The following YAE1 variants were observed in gnomAD, a reference collection of about 807,000 sequenced individuals.
YAE1 encodes the protein protein YAE1 homolog.
A neutral mutation model predicts 23.0 loss-of-function variants in YAE1; 22 were observed. The observed-to-expected ratio is 0.96, with a 90% CI of 0.68 to 1.37. The LOEUF is 1.37. YAE1 is among the 40% of genes most tolerant of loss of function. The pLI is 0.00. For synonymous variants in YAE1, 101 were observed against 97.0 expected (o/e 1.04, Z -0.24); for missense variants, 260 against 262.1 (o/e 0.99, Z 0.06).
intron 2 of YAE1, among the ~76,000 whole-genome samples, chr7:39,608,849 G>T (rs1222871373): frequency 6.6e-6 from 1 of 152,078 alleles, no homozygotes; most frequent in Non-Finnish European, 1.5e-5. Context: ...TTACATAAAA[G>T]ACTTTGGGCT....
intron 2 of YAE1, among the ~76,000 whole-genome samples, chr7:39,591,182 T>C (rs1035038381): frequency 6.6e-6 from 1 of 152,160 alleles, no homozygotes; most frequent in Non-Finnish European, 1.5e-5. Flanking sequence ...TCAGACCGGA[T>C]TAAGGCCCAC....
At chr7:39,603,889 T>C (rs2115848175) in intron 2 of YAE1, among the ~76,000 whole-genome samples, 1 of 152,314 alleles carries the variant, frequency 6.6e-6, no homozygotes, top group East Asian at 1.9e-4. Context: ...CAAAGAAATA[T>C]CGAGAGGATA....
downstream of YAE1, among the ~76,000 whole-genome samples, chr7:39,573,617 T>G (rs1562589978): frequency 2.6e-5 from 4 of 152,268 alleles, no homozygotes; most frequent in South Asian, 8.3e-4. Flanking sequence ...CTGAAATAAT[T>G]GTCCCTCATT....
intron 2 of YAE1, among the ~76,000 whole-genome samples, chr7:39,585,498 G>A (rs1790801875): frequency 6.6e-6 from 1 of 152,142 alleles, no homozygotes; most frequent in Non-Finnish European, 1.5e-5. Flanking sequence ...AAACAAACCA[G>A]CTGACACCTT....
rs908985675 is a variant in YAE1, at chr7:39,583,268, T to C, written c.251+12641T>C. Among the ~76,000 whole-genome samples, 7 of 152,232 alleles carry C rather than the reference T, an allele frequency of 4.6e-5. No individual in the cohort carries two copies. The East Asian group carries it at 1.3e-3, about 29-fold the overall frequency. On this transcript the variant is annotated intron_variant, in intron 2 of 2. Transcript: ENST00000432096. The stretch of plus-strand genomic sequence containing the variant: ...GGACATATTATACAAAAATGTATAT[T>C]TTGCAGATAAAACTCTGGGAGTGCC...
intron 2 of YAE1, among the ~76,000 whole-genome samples, chr7:39,585,280 T>C (rs2115807849): frequency 6.6e-6 from 1 of 152,310 alleles, no homozygotes; most frequent in South Asian, 2.1e-4. Context: ...TCAAAATCCA[T>C]GTTGAAGCCC....
downstream of YAE1, among the ~76,000 whole-genome samples, chr7:39,577,734 C>T (rs1248000764): frequency 6.6e-6 from 1 of 152,240 alleles, no homozygotes; most frequent in Non-Finnish European, 1.5e-5. Context: ...GCACCACCCC[C>T]TGCTCTGCTG....
chr7:39,600,844 T>C (rs2115841781), intron 2 of YAE1, among the ~76,000 whole-genome samples: 1 of 152,310 alleles, frequency 6.6e-6, no homozygotes, highest in South Asian at 2.1e-4. Flanking sequence ...GGGAGAGGCA[T>C]GAAGCAAATT....
chr7:39,582,447 AT>A (rs1388414827), intron 2 of YAE1, among the ~76,000 whole-genome samples: 2 of 152,244 alleles, frequency 1.3e-5, no homozygotes, highest in Non-Finnish European at 2.9e-5. Flanking sequence ...CATTTAATTC[AT>A]TTGTAGAAGC....
intron 2 of YAE1, among the ~76,000 whole-genome samples, chr7:39,594,744 G>C (rs757855769): frequency 6.6e-6 from 1 of 151,844 alleles, no homozygotes; most frequent in South Asian, 2.1e-4. Flanking sequence ...ACATGTGCCC[G>C]CCACCATGCC....
chr7:39,572,618 GC>G lies in YAE1; in HGVS notation c.597del (p.Thr200HisfsTer10), dbSNP rs1259079100. ...TQEHAHSENP[S>X]PTWILEQTAS... The stretch of plus-strand genomic sequence containing the variant: ...GAGCATGCACATTCAGAAAACCCAA[GC>G]CCCACATGGATTTTGGAACAGACAG... On this transcript the variant is annotated frameshift_variant, in exon 3 of 3. Transcript: ENST00000223273. LOFTEE classifies it high-confidence loss of function. The G allele has an allele frequency of 6.2e-7, 1 of 1,614,036 alleles. No individual in the cohort carries two copies. Among genetic ancestry groups the G allele is most frequent in the Non-Finnish European group, 8.5e-7 (1 of 1,179,952 alleles).
rs576375747 is a variant in YAE1, at chr7:39,597,387, T to C, written c.252-12230T>C. Among the ~76,000 whole-genome samples, 120 of 152,226 alleles carry C rather than the reference T, an allele frequency of 7.9e-4. 1 individual carries two copies. Among genetic ancestry groups the C allele is most frequent in the Middle Eastern group, 3.4e-3 (1 of 294 alleles). ...GAGTTTGAGACCAGCCTGGGCAACA[T>C]AGTGAGATTCCATCTCTATTAAAAA... On this transcript the variant is annotated intron_variant, in intron 2 of 2. Coordinates refer to the YAE1 transcript ENST00000432096.
At position 39,593,586 on chromosome 7, in the gene YAE1, A is replaced by G. The variant is rs369874422; in HGVS notation, c.252-16031A>G. Among the ~76,000 whole-genome samples the G allele has an allele frequency of 6.7e-4, 102 of 152,050 alleles. 2 individuals carry two copies. The South Asian group carries it at 0.018, about 28-fold the overall frequency. On this transcript the variant is annotated intron_variant, in intron 2 of 2. Transcript: ENST00000432096. ...AGAAATCCTCCTGCCTCAGCCCCCA[A>G]GTAGCTGGGACTACAGTCACGCACC...
chr7:39,575,575 A>AGTGTGTGTGT (rs1554291556), downstream of YAE1, among the ~76,000 whole-genome samples: 1 of 81,728 alleles, frequency 1.2e-5, no homozygotes, highest in Admixed American at 1.1e-4. Context: ...AGAGAGAGAG[A>AGTGTGTGTGT]GAGTGAGTGT....
At chr7:39,605,374 C>A (rs1193781807) in intron 2 of YAE1, among the ~76,000 whole-genome samples, 3 of 152,180 alleles carry the variant, frequency 2.0e-5, no homozygotes, top group African/African-American at 7.2e-5. Flanking sequence ...ACATTTGAAT[C>A]AGAAGATTGA....
chr7:39,590,381 C>T (rs1790885340), intron 2 of YAE1, among the ~76,000 whole-genome samples: 1 of 152,032 alleles, frequency 6.6e-6, no homozygotes, highest in Admixed American at 6.6e-5. Flanking sequence ...TTTATATGGA[C>T]TATGTTATTT....
chr7:39,593,173 A>ATTTAT (rs1790924411), intron 2 of YAE1, among the ~76,000 whole-genome samples: 2 of 40,068 alleles, frequency 5.0e-5, no homozygotes, highest in Admixed American at 3.1e-4. Context: ...CCATTTGGTT[A>ATTTAT]TTTCTTTTTT....
intron 2 of YAE1, among the ~76,000 whole-genome samples, chr7:39,581,453 A>G (rs1790741650): frequency 6.6e-6 from 1 of 152,230 alleles, no homozygotes; most frequent in African/African-American, 2.4e-5. Flanking sequence ...CCTGAAAATA[A>G]AATATCTTCT....
intron 2 of YAE1, among the ~76,000 whole-genome samples, chr7:39,602,907 C>T (rs1442111861): frequency 6.6e-6 from 1 of 152,100 alleles, no homozygotes; most frequent in Non-Finnish European, 1.5e-5. Context: ...CGCCACCACA[C>T]CTGGCTAATT....
Sources: gnomAD v4.1 joint callset for allele counts (sites outside exome capture counted in the v4.1 genomes callset) on GRCh38, gnomAD v4.1.1 for gene constraint, MANE v1.5 for transcripts, NCBI Gene and HGNC (gene_info 2026-07-23, HGNC 2026-07-21) for gene names.